Variants in PIEZO2 observed in about 807,000 individuals in gnomAD.
PIEZO2 encodes piezo-type mechanosensitive ion channel component 2.
PIEZO2 carries 172 observed loss-of-function variants against 337.3 expected under a neutral mutation model. That is an observed-to-expected ratio of 0.51 (90% CI 0.45 to 0.58). The LOEUF is 0.58. Ranked by LOEUF, PIEZO2 falls within the 20% of genes least tolerant of loss-of-function variation. The pLI is 0.00. For missense variants in PIEZO2, 3,028 were observed against 3,391.3 expected, an observed-to-expected ratio of 0.89 and a Z score of 2.66; for synonymous variants, 1,251 against 1,228.5, an observed-to-expected ratio of 1.02 and a Z score of -0.38.
intron 1 of PIEZO2, among the ~76,000 whole-genome samples, chr18:11,085,876 G>A (rs546165455): frequency 6.6e-6 from 1 of 151,680 alleles, no homozygotes; most frequent in African/African-American, 2.4e-5. Flanking sequence ...TGGAAGAGAG[G>A]GTGGGAGAAA....
At chr18:11,093,219 G>A (rs1489787842) in intron 1 of PIEZO2, among the ~76,000 whole-genome samples, 2 of 152,240 alleles carry the variant, frequency 1.3e-5, no homozygotes, top group East Asian at 1.9e-4. Context: ...TGGGTAAAGC[G>A]GAGCCAGCCA....
chr18:11,014,896 G>A (rs1237832692), intron 2 of PIEZO2, among the ~76,000 whole-genome samples: 1 of 143,084 alleles, frequency 7.0e-6, no homozygotes, highest in Non-Finnish European at 1.5e-5. Flanking sequence ...TCAGTGTGGG[G>A]AAGATGTCAC....
rs2035515021 is a variant in PIEZO2 at position 11,001,068 on chromosome 18, T to C, written c.161-21408A>G. ...AAAGGAACTCAGCTGTTAGGAGTCA[T>C]GAGTCAACCACCCCTGGAACCTGGA... On this transcript the variant is annotated intron_variant, in intron 2 of 55. Transcript: ENST00000674853. The surrounding 1 kb of genome is among the most constrained non-coding windows in gnomAD (Gnocchi z 5.3). Among the ~76,000 whole-genome samples the C allele has an allele frequency of 6.6e-6, 1 of 152,184 alleles. No homozygotes were observed. Among genetic ancestry groups the C allele is most frequent in the Non-Finnish European group, 1.5e-5 (1 of 68,032 alleles).
At chr18:10,715,962 C>CA in intron 37 of PIEZO2, 146 bp from the exon 38 acceptor site, 1 of 664,192 alleles carries the variant, frequency 1.5e-6, no homozygotes, top group South Asian at 2.1e-5. Context: ...ACTCATGACG[C>CA]ACGGAGGAGA....
rs2040256067 is a variant in PIEZO2 at position 11,128,665 on chromosome 18, G to A, written c.64+19860C>T. ...ATGGCCTCCCCTGAAGCAGTTTCTA[G>A]GCAAGATAATGTTGATTCTCCTCAG... On this transcript the variant is annotated intron_variant, in intron 1 of 55. Coordinates refer to ENST00000674853, the MANE Select transcript of PIEZO2 (RefSeq NM_001378183.1). The surrounding 1 kb of genome is among the most constrained non-coding windows in gnomAD (Gnocchi z 4.1). Among the ~76,000 whole-genome samples, 1 of 152,080 alleles carries A rather than the reference G, an allele frequency of 6.6e-6. No homozygotes were observed. The highest frequency in any genetic ancestry group is 2.1e-4 in the South Asian group (1 of 4,818).
Position 10,724,507 on chromosome 18 carries a change from GTCCTCTGGTCACACCCACTCA to G in PIEZO2, c.5030-6269_5030-6249del. ...GCAATGCGGAGTACAGGGCCTGCTG[GTCCTCTGGTCACACCCACTCA>G]TGCTGGTCTCCACATACCCTTCTGT... is the stretch of plus-strand genomic sequence containing the variant. On this transcript the variant is annotated intron_variant, in intron 36 of 55. Coordinates refer to ENST00000674853, the MANE Select transcript of PIEZO2 (RefSeq NM_001378183.1). This position sits in a 1 kb window ranked among gnomAD's most constrained non-coding sequence, Gnocchi z 5.8. 2.3e-6 allele frequency: 1 copy of G among 439,536 alleles called. No individual in the cohort carries two copies. Among genetic ancestry groups the G allele is most frequent in the South Asian group, 6.5e-5 (1 of 15,276 alleles). The allele number at this position is 439,536 out of a possible 1,614,324, so 27.2% of individuals were successfully genotyped here. A position where few individuals can be genotyped will look rare whatever the true frequency, so the allele number is the denominator to read the frequency against.
At chr18:10,751,612 C>CG (rs2037648942) in intron 28 of PIEZO2, among the ~76,000 whole-genome samples, 1 of 152,170 alleles carries the variant, frequency 6.6e-6, no homozygotes, top group Non-Finnish European at 1.5e-5. Flanking sequence ...CGTGCCCCCC[C>CG]GAAAATCAAG....
Position 11,131,297 on chromosome 18 carries a change from G to T in PIEZO2, c.64+17228C>A, listed in dbSNP as rs763292127. Among the ~76,000 whole-genome samples, 7 of 152,154 alleles carry T rather than the reference G, an allele frequency of 4.6e-5. No homozygotes were observed. The highest frequency in any genetic ancestry group is 3.9e-4 in the Admixed American group (6 of 15,278). On this transcript the variant is annotated intron_variant, in intron 1 of 55. Coordinates refer to ENST00000674853, the MANE Select transcript of PIEZO2 (RefSeq NM_001378183.1). The surrounding 1 kb of genome is among the most constrained non-coding windows in gnomAD (Gnocchi z 5.3). ...TATATACATGATCGGGCTCGAGCAG[G>T]TCCTGAGGGCACAAGTAAGTTACAT...
chr18:11,112,829 A>G lies in PIEZO2; in HGVS notation c.64+35696T>C, dbSNP rs950325200. Among the ~76,000 whole-genome samples, 61 of 152,112 alleles carry G rather than the reference A, an allele frequency of 4.0e-4. 1 individual carries two copies. The highest frequency in any genetic ancestry group is 2.6e-4 in the Admixed American group (4 of 15,284). On this transcript the variant is annotated intron_variant, in intron 1 of 55. Coordinates refer to ENST00000674853, the MANE Select transcript of PIEZO2 (RefSeq NM_001378183.1). This position sits in a 1 kb window ranked among gnomAD's most constrained non-coding sequence, Gnocchi z 4.3. ...GACAAGAGGAAGAGGCGCTATGGAG[A>G]AGAAGGAGCAAGCCAGTCTGTGCAG...
intron 4 of PIEZO2, among the ~76,000 whole-genome samples, chr18:10,910,447 G>A (rs1057499312): frequency 9.2e-5 from 14 of 152,290 alleles, no homozygotes; most frequent in African/African-American, 2.6e-4. Flanking sequence ...GCTGGGTGTG[G>A]TGGTGGGCGC....
Position 10,747,863 on chromosome 18 carries a change from T to C in PIEZO2, c.4424+608A>G, listed in dbSNP as rs577283786. On this transcript the variant is annotated intron_variant, in intron 30 of 55. Coordinates refer to ENST00000674853, the MANE Select transcript of PIEZO2 (RefSeq NM_001378183.1). ...TCCATCAGCTTATTCACACCAAGCA[T>C]CTGATGGGACCTAGGCAAGGTCTGA... 9.1e-4 allele frequency among the ~76,000 whole-genome samples: 138 copies of C among 152,278 alleles called. 2 individuals are homozygous for C. Among genetic ancestry groups the C allele is most frequent in the Non-Finnish European group, 1.5e-4 (10 of 68,022 alleles).
intron 49 of PIEZO2, among the ~76,000 whole-genome samples, chr18:10,685,584 GT>G (rs1271086821): frequency 1.3e-5 from 2 of 152,172 alleles, no homozygotes; most frequent in Non-Finnish European, 2.9e-5. Flanking sequence ...TGTGAAAAAT[GT>G]CACCTGGTGG....
intron 2 of PIEZO2, among the ~76,000 whole-genome samples, chr18:11,026,356 C>G (rs150698199): frequency 1.3e-5 from 2 of 152,172 alleles, no homozygotes; most frequent in African/African-American, 4.8e-5. Flanking sequence ...GCCTCGCCCC[C>G]ACCCTGCCTC....
At chr18:10,725,090 C>A (rs868407156) in intron 36 of PIEZO2, 2 of 1,497,308 alleles carry the variant, frequency 1.3e-6, no homozygotes, top group Middle Eastern at 1.7e-4. Flanking sequence ...TTCTTTCAGT[C>A]GCATTACACC....
intron 3 of PIEZO2, among the ~76,000 whole-genome samples, chr18:10,923,068 T>C (rs775977928): frequency 2.0e-5 from 3 of 152,174 alleles, no homozygotes; most frequent in Non-Finnish European, 2.9e-5. Context: ...AAGTTGACTA[T>C]AGAAGACATT....
At chr18:10,911,010 G>A (rs528203619) in intron 4 of PIEZO2, among the ~76,000 whole-genome samples, 176 bp downstream of exon 4, 2 of 151,010 alleles carry the variant, frequency 1.3e-5, no homozygotes, top group East Asian at 2.0e-4. Context: ...GCTTTATGAA[G>A]TAATGCTCTA....
intron 5 of PIEZO2, among the ~76,000 whole-genome samples, chr18:10,868,322 G>A (rs1178515290): frequency 6.6e-6 from 1 of 152,154 alleles, no homozygotes; most frequent in Admixed American, 6.5e-5. Flanking sequence ...TAAGCAGCAG[G>A]AAATATGCTG....
At chr18:10,917,200 A>G (rs931727180) in intron 3 of PIEZO2, among the ~76,000 whole-genome samples, 2 of 151,878 alleles carry the variant, frequency 1.3e-5, no homozygotes, top group African/African-American at 4.8e-5. Flanking sequence ...ATTTCCTCTA[A>G]TTTTTTTCTG....
intron 4 of PIEZO2, among the ~76,000 whole-genome samples, chr18:10,910,525 G>A (rs1186143113): frequency 6.6e-6 from 1 of 152,104 alleles, no homozygotes; most frequent in African/African-American, 2.4e-5. Context: ...AGAGGTTGCA[G>A]TGAGCCGAGA....
Sources: gnomAD v4.1 joint callset for allele counts (sites outside exome capture counted in the v4.1 genomes callset) on GRCh38, gnomAD v4.1.1 for gene constraint, Gnocchi (gnomAD v3.1) non-coding constraint, MANE v1.5 for transcripts, NCBI Gene and HGNC (gene_info 2026-07-23, HGNC 2026-07-21) for gene names.